The following ATP6V0D1 variants were observed in gnomAD, a reference collection of about 807,000 sequenced individuals.
ATP6V0D1 encodes V-type proton ATPase subunit d 1.
A neutral mutation model predicts 39.0 loss-of-function variants in ATP6V0D1; 13 were observed. The ratio of observed to expected loss-of-function variants is 0.33; its 90% CI spans 0.22 to 0.53. The LOEUF (loss-of-function observed/expected upper bound fraction) is 0.53, where lower values mean the gene tolerates loss of function less well. Among genes scored for constraint, ATP6V0D1 ranks in the 20% least tolerant of loss-of-function variants. The pLI is 0.94. For missense variants in ATP6V0D1, 272 were observed against 470.9 expected (o/e 0.58, Z 3.91); for synonymous variants, 191 against 191.2 (o/e 1.00, Z 0.01).
chr16:67,470,512 T>C (rs1186690300), intron 1 of ATP6V0D1, among the ~76,000 whole-genome samples: 1 of 152,194 alleles, frequency 6.6e-6, no homozygotes, highest in Admixed American at 6.5e-5. Context: ...TGGCCCACAG[T>C]TAAGGCTGCT....
At chr16:67,465,115 T>C (rs1409911075) in intron 1 of ATP6V0D1, among the ~76,000 whole-genome samples, 1 of 152,242 alleles carries the variant, frequency 6.6e-6, no homozygotes, top group Non-Finnish European at 1.5e-5. Flanking sequence ...TAGTGCAGGA[T>C]AGATTTTTTA....
Position 67,481,097 on chromosome 16 carries a change from G to A in ATP6V0D1, c.-11C>T, listed in dbSNP as rs1368463326. On this transcript the variant is annotated 5_prime_UTR_variant, in exon 1 of 8. Transcript: ENST00000290949. ...CGGGAAGAACGACATGGCTGCTGCG[G>A]GAGCGGCGGGACCGGAGAACCAGGA... is the stretch of plus-strand genomic sequence containing the variant. 2 of 1,613,666 alleles carry A rather than the reference G, an allele frequency of 1.2e-6. No homozygotes were observed. The highest frequency in any genetic ancestry group is 1.7e-6 in the Non-Finnish European group (2 of 1,179,760).
At chr16:67,445,116 T>G (rs1454776276) in intron 2 of ATP6V0D1, among the ~76,000 whole-genome samples, 1 of 152,106 alleles carries the variant, frequency 6.6e-6, no homozygotes, top group South Asian at 2.1e-4. Flanking sequence ...AGAAAGTGTG[T>G]TCTGGGAAGA....
At chr16:67,467,707 A>T (rs746226463) in intron 1 of ATP6V0D1, among the ~76,000 whole-genome samples, 1 of 152,194 alleles carries the variant, frequency 6.6e-6, no homozygotes, top group African/African-American at 2.4e-5. Flanking sequence ...CACACAGAAG[A>T]ACTCAAGAAA....
chr16:67,478,558 G>C (rs1044424768), intron 1 of ATP6V0D1, among the ~76,000 whole-genome samples: 3 of 150,516 alleles, frequency 2.0e-5, no homozygotes, highest in African/African-American at 7.4e-5. Flanking sequence ...AGGTTGCAGT[G>C]AGCGGAGATC....
intron 1 of ATP6V0D1, among the ~76,000 whole-genome samples, chr16:67,478,613 C>CAAA (rs1292018624): frequency 7.4e-4 from 38 of 51,518 alleles, no homozygotes; most frequent in African/African-American, 1.3e-3. Context: ...GACTCTGTCT[C>CAAA]AAAAAAAAAA....
chr16:67,477,410 G>A (rs867840739), intron 1 of ATP6V0D1, among the ~76,000 whole-genome samples: 1 of 152,150 alleles, frequency 6.6e-6, no homozygotes, highest in Non-Finnish European at 1.5e-5. Flanking sequence ...TTTAAGGAAG[G>A]AGGAATAATA....
At chr16:67,468,680 T>C (rs973610363) in intron 1 of ATP6V0D1, among the ~76,000 whole-genome samples, 2 of 150,698 alleles carry the variant, frequency 1.3e-5, no homozygotes, top group Non-Finnish European at 3.0e-5. Context: ...ATTCCAGAAG[T>C]GTATTATGCA....
chr16:67,477,695 C>G (rs182412145), intron 1 of ATP6V0D1, among the ~76,000 whole-genome samples: 1 of 150,524 alleles, frequency 6.6e-6, no homozygotes, highest in Non-Finnish European at 1.5e-5. Flanking sequence ...TTTCTTTATA[C>G]GGAGTCTTGC....
At chr16:67,474,855 C>A (rs1243918364) in intron 1 of ATP6V0D1, among the ~76,000 whole-genome samples, 1 of 152,188 alleles carries the variant, frequency 6.6e-6, no homozygotes, top group Non-Finnish European at 1.5e-5. Context: ...CTCCTACATG[C>A]CACCATCATT....
intron 1 of ATP6V0D1, among the ~76,000 whole-genome samples, chr16:67,458,662 T>C (rs891753751): frequency 2.0e-5 from 3 of 152,154 alleles, no homozygotes; most frequent in Non-Finnish European, 4.4e-5. Flanking sequence ...AGTAAAAGAC[T>C]TCCTTGAAGG....
intron 2 of ATP6V0D1, chr16:67,445,995 C>T (rs2041110355): frequency 6.6e-6 from 3 of 455,116 alleles, no homozygotes; most frequent in African/African-American, 4.0e-5. Context: ...GTGGAGGCTG[C>T]TGTTCTGAGC....
chr16:67,448,609 G>A (rs1210272644), intron 2 of ATP6V0D1, among the ~76,000 whole-genome samples: 1 of 147,436 alleles, frequency 6.8e-6, no homozygotes, highest in African/African-American at 2.6e-5. Context: ...GCAGTGAGCC[G>A]AGAACGTGCC....
rs1221667473 is a variant in ATP6V0D1 at position 67,447,064 on chromosome 16, A to T, written c.303-2358T>A. 6.6e-6 allele frequency among the ~76,000 whole-genome samples: 1 copy of T among 152,022 alleles called. No individual in the cohort carries two copies. Among genetic ancestry groups the T allele is most frequent in the Non-Finnish European group, 1.5e-5 (1 of 67,994 alleles). ...TCATTTTCTCAGAGGGATCCCCACCAGCCAATCTCCTCTTTTTCAACGTCC... is the reference window on the plus strand; with the variant it reads ...TCATTTTCTCAGAGGGATCCCCACCTGCCAATCTCCTCTTTTTCAACGTCC... On this transcript the variant is annotated intron_variant, in intron 2 of 7. Coordinates refer to ENST00000290949, the MANE Select transcript of ATP6V0D1 (RefSeq NM_004691.5). The surrounding 1 kb of genome is among the most constrained non-coding windows in gnomAD (Gnocchi z 4.1).
chr16:67,448,528 C>T (rs1269347105), intron 2 of ATP6V0D1, among the ~76,000 whole-genome samples: 8 of 151,930 alleles, frequency 5.3e-5, no homozygotes, highest in Admixed American at 1.3e-4. Context: ...GGTGTGGTGG[C>T]GCACACCTGT....
chr16:67,468,512 T>A (rs2041348013), intron 1 of ATP6V0D1, among the ~76,000 whole-genome samples: 1 of 149,468 alleles, frequency 6.7e-6, no homozygotes, highest in African/African-American at 2.5e-5. Flanking sequence ...TGCTTGAGCC[T>A]GGGAGGTCAA....
intron 1 of ATP6V0D1, among the ~76,000 whole-genome samples, chr16:67,465,671 G>A (rs1408091870): frequency 6.6e-6 from 1 of 152,210 alleles, no homozygotes; most frequent in East Asian, 1.9e-4. Context: ...GGAGCAGCCT[G>A]CACTGGGCAC....
At position 67,438,999 on chromosome 16, in the gene ATP6V0D1, T is replaced by C; in HGVS notation, c.788A>G (p.Gln263Arg). Residue 263 changes from glutamine (Q) to arginine (R), a missense_variant, in exon 6 of 8, where the codon CAG becomes CGG. Gln to Arg is a conservative substitution (Grantham distance 43). Transcript: ENST00000290949. ...AQLARADDYE[Q>R]VKNVADYYPE... ...GTAGTAATCGGCCACGTTCTTGACC[T>C]GTTCATAGTCGTCAGCCCGAGCCAG... The C allele has an allele frequency of 6.2e-7, 1 of 1,614,090 alleles. No individual in the cohort carries two copies. The highest frequency in any genetic ancestry group is 8.5e-7 in the Non-Finnish European group (1 of 1,180,002).
chr16:67,452,378 TG>T, intron 2 of ATP6V0D1: 1 of 1,535,646 alleles, frequency 6.5e-7, no homozygotes, highest in South Asian at 1.2e-5. Context: ...TGGAGCCCTT[TG>T]GCTGCAGCAC....
Sources: gnomAD v4.1 joint callset for allele counts (sites outside exome capture counted in the v4.1 genomes callset) on GRCh38, gnomAD v4.1.1 for gene constraint, Gnocchi (gnomAD v3.1) non-coding constraint, MANE v1.5 for transcripts, NCBI Gene and HGNC (gene_info 2026-07-23, HGNC 2026-07-21) for gene names.